NLGN1: variants seen among roughly 807,000 people sequenced by gnomAD.
NLGN1 encodes the protein neuroligin-1.
A neutral mutation model predicts 65.5 loss-of-function variants in NLGN1; 12 were observed. The observed-to-expected ratio is 0.18, with a 90% confidence interval of 0.12 to 0.30. The LOEUF (loss-of-function observed/expected upper bound fraction) is 0.30, where lower values mean the gene tolerates loss of function less well. Among genes scored for constraint, NLGN1 ranks in the 10% least tolerant of loss-of-function variants. NLGN1 has a pLI of 1.00. For synonymous variants in NLGN1, 350 were observed against 359.5 expected, an observed-to-expected ratio of 0.97 and a Z score of 0.30; for missense variants, 750 against 1,007.1, an observed-to-expected ratio of 0.74 and a Z score of 3.46.
At chr3:174,024,166 A>C (rs1003570717) in intron 4 of NLGN1, among the ~76,000 whole-genome samples, 2 of 123,496 alleles carry the variant, frequency 1.6e-5, no homozygotes, top group Non-Finnish European at 3.5e-5. Context: ...AAAAAAAAAA[A>C]CACGGGCTGG....
At chr3:174,237,869 T>G (rs189690398) in intron 4 of NLGN1, among the ~76,000 whole-genome samples, 1 of 152,310 alleles carries the variant, frequency 6.6e-6, no homozygotes, top group Non-Finnish European at 1.5e-5. Flanking sequence ...GATAAAATTT[T>G]TAGGTTGTAA....
chr3:173,710,925 A>G (rs1013142694), intron 3 of NLGN1, among the ~76,000 whole-genome samples: 1 of 152,188 alleles, frequency 6.6e-6, no homozygotes, highest in Non-Finnish European at 1.5e-5. Flanking sequence ...TCCAGTTAGA[A>G]CAATTTTAAA....
intron 2 of NLGN1, among the ~76,000 whole-genome samples, chr3:173,437,687 C>A (rs1051283132): frequency 9.2e-5 from 14 of 152,226 alleles, no homozygotes; most frequent in African/African-American, 3.4e-4. Context: ...TGCCAAGTAT[C>A]GTGCATCGTG....
At chr3:173,769,332 C>T (rs1310973536) in intron 3 of NLGN1, among the ~76,000 whole-genome samples, 1 of 152,144 alleles carries the variant, frequency 6.6e-6, no homozygotes, top group Non-Finnish European at 1.5e-5. Flanking sequence ...TCATCTTCCA[C>T]CATTGTGTGA....
At chr3:174,264,833 G>A (rs1300237147) in intron 4 of NLGN1, among the ~76,000 whole-genome samples, 1 of 151,856 alleles carries the variant, frequency 6.6e-6, no homozygotes, top group Non-Finnish European at 1.5e-5. Flanking sequence ...TTTGGTCTTT[G>A]ATGATGGTGA....
At chr3:173,533,550 C>G (rs189519321) in intron 2 of NLGN1, among the ~76,000 whole-genome samples, 1 of 152,190 alleles carries the variant, frequency 6.6e-6, no homozygotes, top group Non-Finnish European at 1.5e-5. Context: ...TCTCCCATGG[C>G]TCTCTCAGAG....
intron 2 of NLGN1, among the ~76,000 whole-genome samples, chr3:173,489,435 T>C (rs1180070271): frequency 6.6e-6 from 1 of 152,226 alleles, no homozygotes; most frequent in African/African-American, 2.4e-5. Flanking sequence ...TATGGTTGCA[T>C]AGTATTCCAT....
intron 4 of NLGN1, among the ~76,000 whole-genome samples, chr3:174,149,552 A>G (rs572341495): frequency 2.4e-4 from 36 of 152,210 alleles, no homozygotes; most frequent in African/African-American, 8.7e-4. Flanking sequence ...TCTTTATTTC[A>G]TATCAAATTA....
chr3:173,679,419 T>A (rs538427618), intron 3 of NLGN1, among the ~76,000 whole-genome samples: 3 of 152,094 alleles, frequency 2.0e-5, no homozygotes, highest in African/African-American at 7.2e-5. Context: ...GTCTACAGAT[T>A]CGGGTTATAT....
intron 4 of NLGN1, among the ~76,000 whole-genome samples, chr3:173,900,187 G>A (rs1242883716): frequency 1.3e-5 from 2 of 152,092 alleles, no homozygotes; most frequent in Non-Finnish European, 2.9e-5. Context: ...ATTTTTGAGT[G>A]CTAAAAACAT....
At chr3:173,946,950 T>G (rs1482272061) in intron 4 of NLGN1, among the ~76,000 whole-genome samples, 1 of 152,158 alleles carries the variant, frequency 6.6e-6, no homozygotes, top group Non-Finnish European at 1.5e-5. Context: ...CCACAATGCT[T>G]CACCCAATTC....
intron 4 of NLGN1, among the ~76,000 whole-genome samples, chr3:174,060,451 C>A (rs1260806044): frequency 1.3e-5 from 2 of 152,096 alleles, no homozygotes; most frequent in African/African-American, 4.8e-5. Flanking sequence ...CCCCTTTACC[C>A]TCCTTGAACA....
chr3:173,571,991 A>G (rs1463172780), intron 2 of NLGN1, among the ~76,000 whole-genome samples: 2 of 152,246 alleles, frequency 1.3e-5, no homozygotes, highest in African/African-American at 4.8e-5. Flanking sequence ...AGGAAAAAGA[A>G]TAATTTTTCC....
rs140467162 is a variant in NLGN1, at chr3:173,581,679, G to A, written c.-320-22600G>A. Among the ~76,000 whole-genome samples, 837 of 151,678 alleles carry A rather than the reference G, an allele frequency of 5.5e-3. 7 individuals are homozygous for A. Among genetic ancestry groups the A allele is most frequent in the African/African-American group, 0.019 (789 of 41,388 alleles). Reference sequence around the variant, plus strand: ...CATTTACACTTCTTAGAAATATTTAGTAGTACAGTTTTTTAAAAAAATCTC... The same window carrying A: ...CATTTACACTTCTTAGAAATATTTAATAGTACAGTTTTTTAAAAAAATCTC... On this transcript the variant is annotated intron_variant, in intron 2 of 6. Transcript: ENST00000457714.
At chr3:173,561,608 T>TTTG (rs1455855725) in intron 2 of NLGN1, among the ~76,000 whole-genome samples, 1 of 152,194 alleles carries the variant, frequency 6.6e-6, no homozygotes, top group Non-Finnish European at 1.5e-5. Context: ...ATAGAATTAA[T>TTTG]TAAAATTAGA....
At chr3:173,408,189 G>A (rs1334811613) in intron 1 of NLGN1, among the ~76,000 whole-genome samples, 2 of 152,096 alleles carry the variant, frequency 1.3e-5, no homozygotes, top group African/African-American at 2.4e-5. Context: ...TACTAGAAAC[G>A]TTCTGCCTCA....
intron 4 of NLGN1, among the ~76,000 whole-genome samples, chr3:173,875,190 C>T (rs540364756): frequency 2.0e-5 from 3 of 152,234 alleles, no homozygotes; most frequent in South Asian, 4.2e-4. Context: ...TTGACCACTG[C>T]GGACATTGAA....
At chr3:173,890,926 C>T (rs1735218710) in intron 4 of NLGN1, among the ~76,000 whole-genome samples, 1 of 152,108 alleles carries the variant, frequency 6.6e-6, no homozygotes, top group African/African-American at 2.4e-5. Flanking sequence ...TGGAAAAAAG[C>T]TAGAAGGAAA....
intron 2 of NLGN1, among the ~76,000 whole-genome samples, chr3:173,437,353 C>T (rs1018320871): frequency 1.3e-5 from 2 of 152,138 alleles, no homozygotes; most frequent in Non-Finnish European, 2.9e-5. Flanking sequence ...CTGTAAAGAC[C>T]TGATTACTCA....
Sources: gnomAD v4.1 joint callset for allele counts (sites outside exome capture counted in the v4.1 genomes callset) on GRCh38, gnomAD v4.1.1 for gene constraint, MANE v1.5 for transcripts, NCBI Gene and HGNC (gene_info 2026-07-23, HGNC 2026-07-21) for gene names.